RAP1GAP: variants seen among roughly 807,000 people sequenced by gnomAD.
RAP1GAP encodes the protein rap1 GTPase-activating protein 1.
RAP1GAP carries 35 observed loss-of-function variants against 87.2 expected under a neutral mutation model. That is an observed-to-expected ratio of 0.40 (90% CI 0.31 to 0.53). The LOEUF is 0.53. Ranked by LOEUF, RAP1GAP falls within the 20% of genes least tolerant of loss-of-function variation. The pLI, the probability that RAP1GAP is intolerant of heterozygous loss-of-function variation, is 0.48. For missense variants in RAP1GAP, 734 were observed against 898.9 expected, an observed-to-expected ratio of 0.82 and a Z score of 2.35; for synonymous variants, 375 against 363.9, an observed-to-expected ratio of 1.03 and a Z score of -0.35.
intron 7 of RAP1GAP, among the ~76,000 whole-genome samples, chr1:21,616,374 A>G (rs1376675266): frequency 6.6e-6 from 1 of 152,226 alleles, no homozygotes; most frequent in Admixed American, 6.5e-5. Flanking sequence ...GAAGACATGA[A>G]AACAGCTAAC....
In RAP1GAP at chr1:21,634,844, C is replaced by T. The variant is rs78513539; in HGVS notation, c.-112-8447G>A. The T allele has an allele frequency of 0.034, 12,338 of 358,866 alleles. 334 individuals are homozygous for T. Among genetic ancestry groups the T allele is most frequent in the African/African-American group, 0.06 (2,888 of 47,832 alleles). The allele number at this position is 358,866 out of a possible 1,614,324, so 22.2% of individuals were successfully genotyped here. A position where few individuals can be genotyped will look rare whatever the true frequency, so the allele number is the denominator to read the frequency against. ...CAAAACCTGACCCTTCCCACCCCAC[C>T]GAGGACTTCAGTGTGGACTGACTCC... On this transcript the variant is annotated intron_variant, in intron 2 of 24. Coordinates refer to ENST00000374765, the MANE Select transcript of RAP1GAP (RefSeq NM_002885.4). This position sits in a 1 kb window ranked among gnomAD's most constrained non-coding sequence, Gnocchi z 4.1.
intron 1 of RAP1GAP, among the ~76,000 whole-genome samples, chr1:21,650,696 G>A (rs2096496661): frequency 6.6e-6 from 1 of 152,212 alleles, no homozygotes. Flanking sequence ...CTTGCCCAAG[G>A]TCATAGAACA....
At position 21,669,137 on chromosome 1, in the gene RAP1GAP, C is replaced by T; in HGVS notation, c.-149+117G>A. On this transcript the variant is annotated intron_variant, in intron 1 of 24. Transcript: ENST00000374765. The surrounding 1 kb of genome is among the most constrained non-coding windows in gnomAD (Gnocchi z 5.6). ...GAGACCCGGGTCCCCCACGCGTTCG[C>T]CCCCACCCTCCGTCCCCGCCCGCCC... 2.7e-6 allele frequency: 3 copies of T among 1,121,782 alleles called. No homozygotes were observed. The highest frequency in any genetic ancestry group is 3.4e-6 in the Non-Finnish European group (3 of 891,466). The allele number at this position is 1,121,782 out of a possible 1,614,324, so 69.5% of individuals were successfully genotyped here.
chr1:21,660,339 C>CCATATATATATATATATATATA (rs1553503814), intron 1 of RAP1GAP, among the ~76,000 whole-genome samples: 12 of 52,838 alleles, frequency 2.3e-4, no homozygotes, highest in Non-Finnish European at 2.9e-4. Flanking sequence ...TCCAACTCAG[C>CCATATATATATATATATATATA]TATATATATT....
intron 16 of RAP1GAP, 46 bp downstream of exon 16, chr1:21,608,804 T>C (rs1445331405): frequency 1.3e-6 from 2 of 1,548,962 alleles, no homozygotes; most frequent in Non-Finnish European, 8.9e-7. Context: ...AGTTATAGGT[T>C]GGAAGGTGAG....
chr1:21,598,481 T>A lies in RAP1GAP; in HGVS notation c.1798A>T (p.Thr600Ser). 2 of 1,613,008 alleles carry A rather than the reference T, an allele frequency of 1.2e-6. No homozygotes were observed. Among genetic ancestry groups the A allele is most frequent in the Non-Finnish European group, 1.7e-6 (2 of 1,179,514 alleles). The part of the protein sequence containing the change: ...TGLESVSSSG[T>S]PHKRDSFIYS... Reference sequence around the variant, plus strand: ...ATGAAGGAGTCCCGCTTGTGGGGTGTTCCTGAGGATGACACGCTCTCCTGG... The same window carrying A: ...ATGAAGGAGTCCCGCTTGTGGGGTGATCCTGAGGATGACACGCTCTCCTGG... Residue 600 changes from threonine to serine, a missense_variant, in exon 22 of 25, where the codon ACA becomes TCA. Physicochemically the swap from Thr to Ser is moderately conservative, Grantham distance 58. This residue lies in a region of RAP1GAP where 249 missense variants were observed against 252.7 expected (regional missense o/e 0.99). Transcript: ENST00000374765.
intron 16 of RAP1GAP, 140 bp downstream of exon 16, chr1:21,608,710 C>T (rs2076370951): frequency 6.0e-6 from 5 of 832,436 alleles, no homozygotes; most frequent in Non-Finnish European, 9.8e-6. Context: ...ACCTCCTACT[C>T]GTCCATCAAT....
intron 3 of RAP1GAP, among the ~76,000 whole-genome samples, chr1:21,620,819 G>A (rs1255926179): frequency 6.6e-6 from 1 of 151,802 alleles, no homozygotes; most frequent in African/African-American, 2.4e-5. Context: ...GCTGACACAT[G>A]TGCTATGGAG....
chr1:21,630,233 G>A lies in RAP1GAP; in HGVS notation c.-112-3836C>T, dbSNP rs146037586. Among the ~76,000 whole-genome samples the A allele has an allele frequency of 1.3e-4, 20 of 151,734 alleles. No homozygotes were observed. The East Asian group carries it at 2.5e-3, about 19-fold the overall frequency. On this transcript the variant is annotated intron_variant, in intron 2 of 24. Transcript: ENST00000374765. ...CTATACCACTGACACTTAGTAAATAGTAGTTGCTCAATAAATACTTTTTTC... is the reference window on the plus strand; with the variant it reads ...CTATACCACTGACACTTAGTAAATAATAGTTGCTCAATAAATACTTTTTTC...
chr1:21,607,256 A>G (rs747551492), intron 17 of RAP1GAP, among the ~76,000 whole-genome samples: 26 of 152,292 alleles, frequency 1.7e-4, no homozygotes, highest in Non-Finnish European at 2.8e-4. Context: ...CACACTTCTC[A>G]TTTCAGACAA....
Position 21,597,719 on chromosome 1 carries a change from G to A in RAP1GAP, c.*1C>T, listed in dbSNP as rs145060868. 2.5e-5 allele frequency: 40 copies of A among 1,613,480 alleles called. No homozygotes were observed. In the African/African-American group the frequency reaches 5.2e-4, roughly 21 times the overall value. Reference sequence around the variant, plus strand: ...TTTCACCTTCAGAGGGGGTGGCCCGGCTAACAGCCCTGCAGACAGACAGTG... The same window carrying A: ...TTTCACCTTCAGAGGGGGTGGCCCGACTAACAGCCCTGCAGACAGACAGTG... On this transcript the variant is annotated 3_prime_UTR_variant, in exon 24 of 25. Coordinates refer to ENST00000374765, the MANE Select transcript of RAP1GAP (RefSeq NM_002885.4).
At chr1:21,628,852 C>CT (rs2093072131) in intron 2 of RAP1GAP, among the ~76,000 whole-genome samples, 2 of 151,398 alleles carry the variant, frequency 1.3e-5, no homozygotes, top group Admixed American at 1.3e-4. Flanking sequence ...CACACCACTG[C>CT]ACTCCAGCCT....
intron 1 of RAP1GAP, among the ~76,000 whole-genome samples, chr1:21,663,095 A>G (rs898205113): frequency 5.3e-5 from 8 of 152,064 alleles, no homozygotes; most frequent in Admixed American, 5.2e-4. Context: ...TGCCCTTCGG[A>G]GGACTACAGA....
At chr1:21,649,737 C>T (rs964858519) in intron 2 of RAP1GAP, 24 bp downstream of exon 2, 1 of 1,551,428 alleles carries the variant, frequency 6.4e-7, no homozygotes, top group African/African-American at 1.4e-5. Context: ...AACCCAGGCC[C>T]TCCTGAGAGT....
Position 21,634,676 on chromosome 1 carries a change from A to T in RAP1GAP, c.-112-8279T>A, listed in dbSNP as rs1419617657. ...GGGCCAGGCAGAGGCCTCCTGAACA[A>T]ATAACAGGTTGGCAGCCTAGAGAGG... On this transcript the variant is annotated intron_variant, in intron 2 of 24. Coordinates refer to ENST00000374765, the MANE Select transcript of RAP1GAP (RefSeq NM_002885.4). The surrounding 1 kb of genome is among the most constrained non-coding windows in gnomAD (Gnocchi z 4.1). 1.3e-5 allele frequency: 4 copies of T among 319,612 alleles called. No individual in the cohort carries two copies. The East Asian group carries it at 4.4e-4, about 35-fold the overall frequency. 19.8% of individuals were successfully genotyped at this position (319,612 alleles called of 1,614,324 possible).
chr1:21,621,188 C>G (rs1399196652), intron 3 of RAP1GAP, among the ~76,000 whole-genome samples: 1 of 152,202 alleles, frequency 6.6e-6, no homozygotes, highest in Non-Finnish European at 1.5e-5. Flanking sequence ...GGTAACACCA[C>G]AAACCACTCT....
chr1:21,603,475 G>A lies in RAP1GAP; in HGVS notation c.1429-562C>T, dbSNP rs1354000420. 3 of 588,368 alleles carry A rather than the reference G, an allele frequency of 5.1e-6. No homozygotes were observed. The highest frequency in any genetic ancestry group is 2.7e-4 in the Middle Eastern group (1 of 3,644). 36.4% of individuals were successfully genotyped at this position (588,368 alleles called of 1,614,324 possible). Reference sequence around the variant, plus strand: ...GTAGGACCCCAGGTCACTTCGTGGCGGGGAGGAGGAGTCAGGGCAGAGGAG... The same window carrying A: ...GTAGGACCCCAGGTCACTTCGTGGCAGGGAGGAGGAGTCAGGGCAGAGGAG... On this transcript the variant is annotated intron_variant, in intron 18 of 24. Coordinates refer to ENST00000374765, the MANE Select transcript of RAP1GAP (RefSeq NM_002885.4). This position sits in a 1 kb window ranked among gnomAD's most constrained non-coding sequence, Gnocchi z 6.0.
intron 1 of RAP1GAP, among the ~76,000 whole-genome samples, chr1:21,659,375 G>A (rs1449080607): frequency 1.3e-5 from 2 of 152,190 alleles, no homozygotes; most frequent in African/African-American, 4.8e-5. Flanking sequence ...GAGCCGCCGG[G>A]ACAGCGCCCC....
rs1052645895 is a variant in RAP1GAP, at chr1:21,617,213, G to A, written c.291+93C>T. ...GCTCTAGGACTGTCACCCAGCCCTG[G>A]CCCATGGGTTCTGCTCCCTCCCAGG... is the stretch of plus-strand genomic sequence containing the variant. On this transcript the variant is annotated intron_variant, in intron 7 of 24. Transcript: ENST00000374765. 55 of 1,397,140 alleles carry A rather than the reference G, an allele frequency of 3.9e-5. No homozygotes were observed. The Middle Eastern group carries it at 9.0e-4, about 23-fold the overall frequency. 86.5% of individuals were successfully genotyped at this position (1,397,140 alleles called of 1,614,324 possible).
Sources: allele counts gnomAD v4.1 joint callset (sites outside exome capture counted in the v4.1 genomes callset), GRCh38; gene constraint gnomAD v4.1.1; regional missense constraint gnomAD v4.1.1; non-coding constraint Gnocchi (gnomAD v3.1); transcripts MANE v1.5; gene names NCBI Gene and HGNC (gene_info 2026-07-23, HGNC 2026-07-21).